Variants in NEDD1 observed in about 807,000 individuals in gnomAD.
The protein encoded by NEDD1 is protein NEDD1.
In NEDD1, 33 loss-of-function variants were observed where a neutral mutation model predicts 74.0. The observed-to-expected ratio is 0.45, with a 90% CI of 0.34 to 0.60. NEDD1 has a LOEUF of 0.60. NEDD1 is among the 20% of genes least tolerant of loss of function. NEDD1 has a pLI of 0.01. For synonymous variants in NEDD1, 250 were observed against 264.4 expected (o/e 0.95, Z 0.53); for missense variants, 746 against 776.5 (o/e 0.96, Z 0.47).
rs1023892019 is a variant in NEDD1 at position 96,907,598 on chromosome 12, T to C, written c.-261-6T>C. On this transcript the variant is annotated splice_polypyrimidine_tract_variant and splice_region_variant and intron_variant, in intron 1 of 15. Transcript: ENST00000266742. ...TTGTCAACCTCAAGTACTTTTCTTT[T>C]GGCAGGTACTTGGATGCATTTTACA... 1.2e-5 allele frequency: 18 copies of C among 1,551,050 alleles called. No individual in the cohort carries two copies. The highest frequency in any genetic ancestry group is 1.5e-5 in the Non-Finnish European group (17 of 1,146,514).
chr12:96,943,956 T>G (rs249582), intron 12 of NEDD1, among the ~76,000 whole-genome samples, 194 bp downstream of exon 12: 74,845 of 151,802 alleles, frequency 0.49, 18,823 homozygotes, highest in African/African-American at 0.56. Flanking sequence ...GATGGAAAGT[T>G]GCAGTATTTT....
At chr12:96,923,592 G>T (rs1484216455) in intron 6 of NEDD1, among the ~76,000 whole-genome samples, 1 of 152,168 alleles carries the variant, frequency 6.6e-6, no homozygotes, top group Non-Finnish European at 1.5e-5. Context: ...CATGTTGAAT[G>T]ATGTTAAGTA....
chr12:96,943,870 A>C (rs184556594), intron 12 of NEDD1, 108 bp downstream of exon 12: 118 of 644,980 alleles, frequency 1.8e-4, no homozygotes, highest in Non-Finnish European at 2.9e-4. Context: ...GCACTTATTC[A>C]TAAGTCTTGA....
chr12:96,917,467 G>A lies in NEDD1; in HGVS notation c.232-154G>A, dbSNP rs112980154. ...TGTTGGATCCATGTGGAAGAAAGAC[G>A]ATGAGAGAGTGGCTCTTTAGTACAA... is the stretch of plus-strand genomic sequence containing the variant. On this transcript the variant is annotated intron_variant, in intron 4 of 15. Coordinates refer to ENST00000266742, the MANE Select transcript of NEDD1 (RefSeq NM_152905.4). Among the ~76,000 whole-genome samples the A allele has an allele frequency of 2.6e-4, 40 of 152,264 alleles. 1 individual carries two copies. Among genetic ancestry groups the A allele is most frequent in the African/African-American group, 9.4e-4 (39 of 41,552 alleles).
At chr12:96,943,035 G>T (rs1005143061) in intron 11 of NEDD1, among the ~76,000 whole-genome samples, 2 of 152,008 alleles carry the variant, frequency 1.3e-5, no homozygotes, top group African/African-American at 4.8e-5. Context: ...TTAAGATTAT[G>T]TTAATAACCT....
chr12:96,942,767 A>T, intron 11 of NEDD1, 143 bp downstream of exon 11: 1 of 590,728 alleles, frequency 1.7e-6, no homozygotes, highest in East Asian at 2.8e-5. Context: ...AGAACTGAGC[A>T]TGACTTGGCT....
At chr12:96,950,235 C>A (rs1310612952) in intron 14 of NEDD1, among the ~76,000 whole-genome samples, 5 of 152,060 alleles carry the variant, frequency 3.3e-5, no homozygotes, top group Non-Finnish European at 7.4e-5. Context: ...GATACCGTGT[C>A]ACACCGAGTA....
At chr12:96,930,211 ACTCT>A (rs143562580) in intron 6 of NEDD1, among the ~76,000 whole-genome samples, 25 of 89,276 alleles carry the variant, frequency 2.8e-4, no homozygotes, top group African/African-American at 9.3e-4. Context: ...ACACACACAC[ACTCT>A]CTCTCTCTCT....
chr12:96,909,040 G>T (rs1320755075), intron 2 of NEDD1, among the ~76,000 whole-genome samples: 1 of 152,058 alleles, frequency 6.6e-6, no homozygotes, highest in Non-Finnish European at 1.5e-5. Flanking sequence ...GCCGGGTGTG[G>T]TGGTGCATGC....
Position 96,935,091 on chromosome 12 carries a change from A to G in NEDD1, c.605A>G (p.Asp202Gly). ...AGTCAGAGTCCATACCATAACTTTGACAGTGTACACAAAGCTCCAGCGTCA... is the reference window on the plus strand; with the variant it reads ...AGTCAGAGTCCATACCATAACTTTGGCAGTGTACACAAAGCTCCAGCGTCA... ...VNSQSPYHNFDSVHKAPASGI... is the reference protein window; with the variant it reads ...VNSQSPYHNFGSVHKAPASGI... The change falls in exon 7 of 16, where the codon GAC (aspartate) becomes GGC (glycine). Residue 202 changes from aspartate (D) to glycine (G), a missense_variant. By Grantham distance (94) the Asp-to-Gly change is moderately conservative. This residue lies in a region of NEDD1 where 706 missense variants were observed against 706.7 expected (regional missense o/e 1.00). Transcript: ENST00000266742. The G allele has an allele frequency of 6.2e-7, 1 of 1,611,606 alleles. No individual in the cohort carries two copies. Among genetic ancestry groups the G allele is most frequent in the Non-Finnish European group, 8.5e-7 (1 of 1,177,650 alleles).
At chr12:96,909,702 A>G in intron 2 of NEDD1, 50 bp from the exon 3 acceptor site, 1 of 1,457,320 alleles carries the variant, frequency 6.9e-7, no homozygotes, top group Admixed American at 1.9e-5. Context: ...TTTTTTGAGT[A>G]TGTCTATTCT....
At chr12:96,929,645 G>T in intron 6 of NEDD1, among the ~76,000 whole-genome samples, 1 of 141,634 alleles carries the variant, frequency 7.1e-6, no homozygotes. Flanking sequence ...ATGGCTGCTT[G>T]CTTTCTGGGG....
intron 6 of NEDD1, among the ~76,000 whole-genome samples, chr12:96,925,316 G>A (rs930309767): frequency 6.6e-6 from 1 of 152,148 alleles, no homozygotes; most frequent in Non-Finnish European, 1.5e-5. Flanking sequence ...GTAAGCAGAG[G>A]TTATCACAGC....
intron 14 of NEDD1, among the ~76,000 whole-genome samples, chr12:96,949,265 T>C (rs920602878): frequency 1.3e-5 from 2 of 152,172 alleles, no homozygotes; most frequent in African/African-American, 4.8e-5. Context: ...TGATACAGTG[T>C]TTTTGTTTGT....
At chr12:96,932,463 A>AAAAAAAAAAAATATATATATATATAT in intron 6 of NEDD1, among the ~76,000 whole-genome samples, 2 of 9,438 alleles carry the variant, frequency 2.1e-4, no homozygotes, top group African/African-American at 3.4e-4. Context: ...AAAAAAAAAA[A>AAAAAAAAAAAATATATATATATATAT]ATATATATAT....
intron 7 of NEDD1, among the ~76,000 whole-genome samples, chr12:96,935,803 T>C (rs1052416954): frequency 6.6e-6 from 1 of 152,036 alleles, no homozygotes; most frequent in Non-Finnish European, 1.5e-5. Context: ...TTGTTAAATT[T>C]AGGTATGCTT....
chr12:96,919,969 C>T lies in NEDD1; in HGVS notation c.349-16C>T. 1 of 1,584,390 alleles carries T rather than the reference C, an allele frequency of 6.3e-7. No individual in the cohort carries two copies. Among genetic ancestry groups the T allele is most frequent in the Non-Finnish European group, 8.6e-7 (1 of 1,158,660 alleles). On this transcript the variant is annotated splice_polypyrimidine_tract_variant and intron_variant, in intron 5 of 15. Coordinates refer to ENST00000266742, the MANE Select transcript of NEDD1 (RefSeq NM_152905.4). ...GATTATGGGGCAGTGTACTTACTTT[C>T]ATTTCTCTCTTTCAGGATCATAAAG... is the stretch of plus-strand genomic sequence containing the variant.
chr12:96,928,415 C>A (rs1475807684), intron 6 of NEDD1, among the ~76,000 whole-genome samples: 2 of 151,936 alleles, frequency 1.3e-5, no homozygotes, highest in African/African-American at 2.4e-5. Flanking sequence ...ATTTTTGATT[C>A]TTTTCTTTGA....
In NEDD1 at chr12:96,935,159, A is replaced by G; in HGVS notation, c.673A>G (p.Ile225Val). The G allele has an allele frequency of 1.2e-6, 2 of 1,612,148 alleles. No homozygotes were observed. Among genetic ancestry groups the G allele is most frequent in the Non-Finnish European group, 1.7e-6 (2 of 1,178,176 alleles). ...SPVNELLFVT[I>V]GLDKRIILYD... ...TGTCAATGAATTGCTCTTTGTAACC[A>G]TAGGCTTGGATAAAAGAATCATCCT... Residue 225 changes from isoleucine to valine, a missense_variant, in exon 7 of 16, where the codon ATA (isoleucine) becomes GTA (valine). By Grantham distance (29) the Ile-to-Val change is conservative. This residue lies in a region of NEDD1 where 706 missense variants were observed against 706.7 expected (regional missense o/e 1.00). Transcript: ENST00000266742.
Sources: gnomAD v4.1 joint callset for allele counts (sites outside exome capture counted in the v4.1 genomes callset) on GRCh38, gnomAD v4.1.1 for gene constraint, gnomAD v4.1.1 regional missense constraint, MANE v1.5 for transcripts, NCBI Gene and HGNC (gene_info 2026-07-23, HGNC 2026-07-21) for gene names.